DENND1B: variants seen among roughly 807,000 people sequenced by gnomAD.
DENND1B encodes the protein DENN domain containing 1B.
A neutral mutation model predicts 90.1 loss-of-function variants in DENND1B; 59 were observed. That is an observed-to-expected ratio of 0.65 (90% CI 0.53 to 0.81). DENND1B has a LOEUF of 0.81. Among genes scored for constraint, DENND1B ranks in the 40% least tolerant of loss-of-function variants. DENND1B has a pLI of 0.00. For missense variants in DENND1B, 862 were observed against 912.6 expected, an observed-to-expected ratio of 0.94 and a Z score of 0.71; for synonymous variants, 337 against 324.6, an observed-to-expected ratio of 1.04 and a Z score of -0.41.
chr1:197,672,250 T>C, intron 4 of DENND1B, 94 bp from the exon 5 acceptor site: 1 of 1,380,824 alleles, frequency 7.2e-7, no homozygotes. Flanking sequence ...GTGACATTGG[T>C]TTCATCTTTC....
chr1:197,751,996 A>G (rs1002391067), intron 2 of DENND1B, among the ~76,000 whole-genome samples: 9 of 141,240 alleles, frequency 6.4e-5, no homozygotes, highest in African/African-American at 2.1e-4. Context: ...AAGAAGAAGA[A>G]GTAGAAGGAG....
chr1:197,578,004 TA>T (rs1673841733), intron 15 of DENND1B, among the ~76,000 whole-genome samples: 1 of 152,216 alleles, frequency 6.6e-6, no homozygotes, highest in Non-Finnish European at 1.5e-5. Context: ...ATACTTTAAT[TA>T]AATATTAACA....
chr1:197,673,845 T>C (rs1350139148), intron 4 of DENND1B, among the ~76,000 whole-genome samples: 1 of 152,084 alleles, frequency 6.6e-6, no homozygotes, highest in Non-Finnish European at 1.5e-5. Flanking sequence ...TCACAATTTC[T>C]ACCTGAAGAG....
rs950112181 is a variant in DENND1B at position 197,770,842 on chromosome 1, A to C, written c.82+2026T>G. Reference sequence around the variant, plus strand: ...TATGTAAATATATATCTATAAATATATATAAATATATATCTATAAATATAT... The same window carrying C: ...TATGTAAATATATATCTATAAATATCTATAAATATATATCTATAAATATAT... On this transcript the variant is annotated intron_variant, in intron 2 of 22. Transcript: ENST00000620048. Among the ~76,000 whole-genome samples, 15 of 97,038 alleles carry C rather than the reference A, an allele frequency of 1.5e-4. No homozygotes were observed. The East Asian group carries it at 1.5e-3, about 10-fold the overall frequency. The allele number at this position is 97,038 out of a possible 152,430, so 63.7% of individuals were successfully genotyped here.
chr1:197,614,539 G>A (rs1677466775), intron 11 of DENND1B, among the ~76,000 whole-genome samples: 1 of 150,940 alleles, frequency 6.6e-6, no homozygotes, highest in Non-Finnish European at 1.5e-5. Context: ...GTGAAAAACT[G>A]TCCTAAATCT....
chr1:197,765,167 C>T (rs751769026), intron 2 of DENND1B, among the ~76,000 whole-genome samples: 6 of 152,112 alleles, frequency 3.9e-5, no homozygotes, highest in Non-Finnish European at 8.8e-5. Flanking sequence ...AGCAAGTTCC[C>T]CCACAAGGCC....
chr1:197,580,339 C>G (rs1253543546), intron 15 of DENND1B, among the ~76,000 whole-genome samples: 1 of 149,834 alleles, frequency 6.7e-6, no homozygotes, highest in East Asian at 2.0e-4. Flanking sequence ...ACCTCATGAT[C>G]CACCCGTCTC....
chr1:197,627,255 T>C (rs985068990), intron 10 of DENND1B, among the ~76,000 whole-genome samples: 23 of 152,246 alleles, frequency 1.5e-4, no homozygotes, highest in Non-Finnish European at 2.9e-4. Context: ...ATATCCTTGA[T>C]GAACATTGAT....
At chr1:197,600,670 A>G (rs1053283172) in intron 13 of DENND1B, among the ~76,000 whole-genome samples, 2 of 151,796 alleles carry the variant, frequency 1.3e-5, no homozygotes, top group Non-Finnish European at 2.9e-5. Flanking sequence ...GTACCCTAAT[A>G]AATATACCAA....
chr1:197,647,872 T>C (rs980554997), intron 7 of DENND1B, among the ~76,000 whole-genome samples: 1 of 149,282 alleles, frequency 6.7e-6, no homozygotes, highest in Non-Finnish European at 1.5e-5. Context: ...CACTCAAAAC[T>C]GGAGGCAGAG....
In DENND1B at chr1:197,511,746, G is replaced by C; in HGVS notation, c.1797C>G (p.Asp599Glu). 6.2e-7 allele frequency: 1 copy of C among 1,606,308 alleles called. No individual in the cohort carries two copies. Among genetic ancestry groups the C allele is most frequent in the Non-Finnish European group, 8.5e-7 (1 of 1,176,160 alleles). The change falls in exon 22 of 23, where the codon GAC becomes GAG. Residue 599 changes from aspartate (D) to glutamate (E), a missense_variant. Coordinates refer to ENST00000620048, the MANE Select transcript of DENND1B (RefSeq NM_001195215.2). The part of the protein sequence containing the change: ...KSLDFFRSMD[D>E]IDYKPTNKSN... ...TACTAACCGTAGGTTTGTAATCAATGTCATCCATTGATCTAAAGAAATCCA... is the reference window on the plus strand; with the variant it reads ...TACTAACCGTAGGTTTGTAATCAATCTCATCCATTGATCTAAAGAAATCCA...
At chr1:197,734,277 T>C in intron 2 of DENND1B, 2 of 929,482 alleles carry the variant, frequency 2.2e-6, no homozygotes, top group Non-Finnish European at 2.6e-6. Flanking sequence ...TTTTTTAACC[T>C]GTAAAAAGTT....
At chr1:197,575,838 A>G (rs1382576967) in intron 15 of DENND1B, among the ~76,000 whole-genome samples, 1 of 152,208 alleles carries the variant, frequency 6.6e-6, no homozygotes, top group Non-Finnish European at 1.5e-5. Context: ...AAGGACAGAA[A>G]ACCAAACATT....
chr1:197,749,436 T>C (rs765766582), intron 2 of DENND1B, among the ~76,000 whole-genome samples: 1 of 151,850 alleles, frequency 6.6e-6, no homozygotes, highest in African/African-American at 2.4e-5. Flanking sequence ...TAGATAATGA[T>C]TAAAAACTTC....
At chr1:197,554,317 G>A (rs1292625231) in intron 15 of DENND1B, among the ~76,000 whole-genome samples, 2 of 151,980 alleles carry the variant, frequency 1.3e-5, no homozygotes, top group Admixed American at 6.6e-5. Context: ...TTGCAAGGAG[G>A]ACTTGAAGAT....
At chr1:197,694,515 T>C (rs1014842695) in intron 3 of DENND1B, among the ~76,000 whole-genome samples, 1 of 151,422 alleles carries the variant, frequency 6.6e-6, no homozygotes, top group African/African-American at 2.4e-5. Context: ...TTCTCCCGAC[T>C]TCAGGAGAAT....
rs112144281 is a variant in DENND1B, at chr1:197,540,937, G to GA, written c.1407+21dup. 318 of 1,597,150 alleles carry GA rather than the reference G, an allele frequency of 2.0e-4. 1 individual carries two copies. In the African/African-American group the frequency reaches 3.3e-3, roughly 17 times the overall value. ...CTAATACAAGAATCAAGGTAAAATG[G>GA]AAAAAAATGAATATGACATACCTTG... On this transcript the variant is annotated intron_variant, in intron 19 of 22. Coordinates refer to ENST00000620048, the MANE Select transcript of DENND1B (RefSeq NM_001195215.2).
intron 13 of DENND1B, among the ~76,000 whole-genome samples, chr1:197,605,082 A>G (rs1390829441): frequency 6.6e-6 from 1 of 150,668 alleles, no homozygotes; most frequent in East Asian, 2.0e-4. Flanking sequence ...TTTCAAGCAT[A>G]TATTTAGTTA....
intron 3 of DENND1B, among the ~76,000 whole-genome samples, chr1:197,692,329 C>A (rs1362159349): frequency 6.6e-6 from 1 of 151,730 alleles, no homozygotes; most frequent in African/African-American, 2.4e-5. Context: ...ATGTGGAAGC[C>A]TCCTAAATAT....
Sources: allele counts gnomAD v4.1 joint callset (sites outside exome capture counted in the v4.1 genomes callset), GRCh38; gene constraint gnomAD v4.1.1; transcripts MANE v1.5; gene names NCBI Gene and HGNC (gene_info 2026-07-23, HGNC 2026-07-21).